Variants in ERMP1 observed in about 807,000 individuals in gnomAD.
The protein encoded by ERMP1 is endoplasmic reticulum metallopeptidase 1, also known as Felix-ina.
ERMP1 carries 86 observed loss-of-function variants against 92.0 expected under a neutral mutation model. The ratio of observed to expected loss-of-function variants is 0.93; its 90% CI spans 0.79 to 1.12. ERMP1 has a LOEUF of 1.12. Ranked by LOEUF, ERMP1 falls within the 50% of genes most tolerant of loss-of-function variation. The probability of loss-of-function intolerance (pLI) is 0.00; values close to 1 mark genes in which losing one functional copy is unlikely to be tolerated. For synonymous variants in ERMP1, 530 were observed against 412.8 expected (o/e 1.28, Z -3.44); for missense variants, 1,342 against 1,116.3 (o/e 1.20, Z -2.88).
chr9:5,797,540 C>G (rs1201389467), intron 13 of ERMP1, among the ~76,000 whole-genome samples: 3 of 151,546 alleles, frequency 2.0e-5, no homozygotes, highest in Non-Finnish European at 2.9e-5. Context: ...CCCAAATACT[C>G]AGGAGGCTGA....
Position 5,830,789 on chromosome 9 carries a change from C to G in ERMP1, c.578G>C (p.Arg193Thr), listed in dbSNP as rs62638714. 3.4e-4 allele frequency: 556 copies of G among 1,614,160 alleles called. No homozygotes were observed. In the African/African-American group the frequency reaches 6.7e-3, roughly 19 times the overall value. The change falls in exon 2 of 15, where the codon AGA becomes ACA. Residue 193 changes from arginine (R) to threonine (T), a missense_variant. Transcript: ENST00000339450. ...CAAGACAGCATGCTGGGCTCCATCTCTGGGTTCCAGCTTTACCACAACATT... is the reference window on the plus strand; with the variant it reads ...CAAGACAGCATGCTGGGCTCCATCTGTGGGTTCCAGCTTTACCACAACATT... ...ITNVVVKLEP[R>T]DGAQHAVLAN... is the part of the protein sequence containing the mutation.
At chr9:5,791,475 T>C (rs1267131420) in intron 13 of ERMP1, among the ~76,000 whole-genome samples, 8 of 152,170 alleles carry the variant, frequency 5.3e-5, no homozygotes, top group Admixed American at 5.2e-4. Flanking sequence ...GAAAATATTT[T>C]CACAGAAACA....
chr9:5,828,787 CT>C (rs1829822532), intron 2 of ERMP1, among the ~76,000 whole-genome samples: 1 of 152,146 alleles, frequency 6.6e-6, no homozygotes, highest in Admixed American at 6.5e-5. Flanking sequence ...AGAGGGGAAA[CT>C]TTTTTCTTTT....
chr9:5,801,895 A>G (rs1828687354), intron 10 of ERMP1, among the ~76,000 whole-genome samples: 1 of 152,236 alleles, frequency 6.6e-6, no homozygotes, highest in Non-Finnish European at 1.5e-5. Context: ...AATCAAAACA[A>G]TAAATCTAGG....
chr9:5,817,928 G>A (rs1829382138), intron 4 of ERMP1, among the ~76,000 whole-genome samples: 1 of 152,172 alleles, frequency 6.6e-6, no homozygotes. Flanking sequence ...AGTAACATGA[G>A]GCCTGAAAAC....
chr9:5,865,244 C>T (rs112666421), intron 5 of ERMP1, among the ~76,000 whole-genome samples: 7 of 152,292 alleles, frequency 4.6e-5, no homozygotes, highest in African/African-American at 1.7e-4. Flanking sequence ...CAGTGGCTTA[C>T]GCCTGTAATC....
intron 4 of ERMP1, among the ~76,000 whole-genome samples, 181 bp downstream of exon 4, chr9:5,823,715 G>T (rs988713247): frequency 6.7e-6 from 1 of 150,182 alleles, no homozygotes; most frequent in Non-Finnish European, 1.5e-5. Context: ...CTATACAAGT[G>T]TTAGATGCTG....
intron 6 of ERMP1, among the ~76,000 whole-genome samples, chr9:5,842,420 G>C (rs1429959762): frequency 2.6e-5 from 3 of 115,250 alleles, no homozygotes; most frequent in Non-Finnish European, 5.0e-5. Context: ...GTGACAGGCA[G>C]AACGAGACTG....
At chr9:5,791,002 T>C (rs1241047406) in intron 13 of ERMP1, among the ~76,000 whole-genome samples, 1 of 151,880 alleles carries the variant, frequency 6.6e-6, no homozygotes, top group Admixed American at 6.6e-5. Context: ...AAAAATAAAG[T>C]AGGCAAGGGG....
intron 4 of ERMP1, among the ~76,000 whole-genome samples, chr9:5,816,521 C>G (rs1433186619): frequency 6.6e-6 from 1 of 152,132 alleles, no homozygotes; most frequent in Non-Finnish European, 1.5e-5. Flanking sequence ...TTTGCTAATA[C>G]TTAATTTAGG....
At chr9:5,834,775 A>G (rs1830066009), upstream of ERMP1, among the ~76,000 whole-genome samples, 1 of 137,656 alleles carries the variant, frequency 7.3e-6, no homozygotes, top group Non-Finnish European at 1.5e-5. Context: ...TGGTACCATA[A>G]TAGGGAAATG....
intron 6 of ERMP1, among the ~76,000 whole-genome samples, chr9:5,850,427 A>AAAAAGAAG (rs142972934): frequency 2.1e-5 from 3 of 144,540 alleles, no homozygotes; most frequent in South Asian, 2.2e-4. Context: ...AAAAAAAAAA[A>AAAAAGAAG]AAGAAGAAGA....
chr9:5,788,165 C>T (rs930326187), intron 13 of ERMP1, among the ~76,000 whole-genome samples: 4 of 152,196 alleles, frequency 2.6e-5, no homozygotes, highest in Admixed American at 1.3e-4. Context: ...ACACCCTCAG[C>T]CTAACTTAAA....
intron 8 of ERMP1, among the ~76,000 whole-genome samples, chr9:5,807,512 G>A (rs148889324): frequency 1.3e-5 from 2 of 152,280 alleles, no homozygotes; most frequent in African/African-American, 4.8e-5. Flanking sequence ...TTGGGAGGCC[G>A]AGGTGGGAGG....
intron 5 of ERMP1, among the ~76,000 whole-genome samples, chr9:5,861,201 G>GTGTGTGTGTA (rs1563786945): frequency 6.7e-6 from 1 of 149,974 alleles, no homozygotes; most frequent in African/African-American, 2.5e-5. Flanking sequence ...GTGTGTGTGT[G>GTGTGTGTGTA]TGTGTGTGTG....
At chr9:5,865,178 GT>G (rs1830614627) in intron 5 of ERMP1, among the ~76,000 whole-genome samples, 1 of 152,102 alleles carries the variant, frequency 6.6e-6, no homozygotes, top group African/African-American at 2.4e-5. Context: ...ATATACATAT[GT>G]ATATATAAAA....
At chr9:5,846,891 C>G (rs1482274603) in intron 6 of ERMP1, among the ~76,000 whole-genome samples, 1 of 152,194 alleles carries the variant, frequency 6.6e-6, no homozygotes, top group Non-Finnish European at 1.5e-5. Context: ...CAGCATGGAA[C>G]TGGACGCCCT....
chr9:5,798,216 A>G (rs575551329), intron 12 of ERMP1, among the ~76,000 whole-genome samples: 2 of 148,272 alleles, frequency 1.3e-5, no homozygotes, highest in Admixed American at 6.7e-5. Context: ...AGAGAAAACA[A>G]TTTTTTTTTT....
chr9:5,805,492 CTT>C (rs765213305), intron 9 of ERMP1, 117 bp downstream of exon 9: 74 of 889,524 alleles, frequency 8.3e-5, no homozygotes, highest in Non-Finnish European at 1.1e-4. Context: ...GGTATGAAAA[CTT>C]TTAAAAACTA....
Sources: gnomAD v4.1 joint callset for allele counts (sites outside exome capture counted in the v4.1 genomes callset) on GRCh38, gnomAD v4.1.1 for gene constraint, MANE v1.5 for transcripts, NCBI Gene and HGNC (gene_info 2026-07-23, HGNC 2026-07-21) for gene names.